The following RBFOX1 variants were observed in gnomAD, a reference collection of about 807,000 sequenced individuals.
RBFOX1 encodes RNA binding fox-1 homolog 1, also known as RNA binding protein fox-1 homolog 1.
A neutral mutation model predicts 57.7 loss-of-function variants in RBFOX1; 8 were observed. The observed-to-expected ratio is 0.14, with a 90% CI of 0.08 to 0.25. RBFOX1 has a LOEUF of 0.25. Ranked by LOEUF, RBFOX1 falls within the 10% of genes least tolerant of loss-of-function variation. RBFOX1 has a pLI of 1.00. For missense variants in RBFOX1, 611 were observed against 548.5 expected, an observed-to-expected ratio of 1.11 and a Z score of -1.14; for synonymous variants, 326 against 222.4, an observed-to-expected ratio of 1.47 and a Z score of -4.15.
intron 1 of RBFOX1, among the ~76,000 whole-genome samples, chr16:6,065,988 C>T (rs575289919): frequency 1.1e-4 from 17 of 152,198 alleles, no homozygotes; most frequent in South Asian, 6.2e-4. Flanking sequence ...GATATATTTC[C>T]GACTTCAACA....
intron 3 of RBFOX1, among the ~76,000 whole-genome samples, chr16:5,705,710 C>G (rs1383954295): frequency 2.0e-5 from 3 of 152,128 alleles, no homozygotes; most frequent in Non-Finnish European, 4.4e-5. Flanking sequence ...ATCATCCTAA[C>G]AAGGGGATTA....
At position 5,969,041 on chromosome 16, in the gene RBFOX1, T is replaced by A. The variant is rs182378064; in HGVS notation, c.351+101706T>A. Among the ~76,000 whole-genome samples, 88 of 152,194 alleles carry A rather than the reference T, an allele frequency of 5.8e-4. 1 individual carries two copies. Among genetic ancestry groups the A allele is most frequent in the African/African-American group, 1.9e-3 (77 of 41,576 alleles). On this transcript the variant is annotated intron_variant, in intron 4 of 19. Coordinates refer to the RBFOX1 transcript ENST00000641259. Reference sequence around the variant, plus strand: ...ATTCTTGGTTATTAAAATGAGTTTTTTCTTTTATTTCTTTGCCTTAGACTC... The same window carrying A: ...ATTCTTGGTTATTAAAATGAGTTTTATCTTTTATTTCTTTGCCTTAGACTC...
At chr16:7,039,050 C>CAGG (rs60245919) in intron 3 of RBFOX1, among the ~76,000 whole-genome samples, 123,779 of 151,802 alleles carry the variant, frequency 0.82, 51,059 homozygotes, top group East Asian at 0.94. Flanking sequence ...AAAGGAATAT[C>CAGG]AGAAGTGCTC....
intron 3 of RBFOX1, among the ~76,000 whole-genome samples, chr16:5,684,100 C>A (rs539843931): frequency 1.5e-4 from 23 of 152,032 alleles, no homozygotes; most frequent in African/African-American, 5.3e-4. Flanking sequence ...CATAAAGTAA[C>A]CCATTTCTTT....
At chr16:6,352,331 C>G (rs987398421) in intron 2 of RBFOX1, among the ~76,000 whole-genome samples, 1 of 152,126 alleles carries the variant, frequency 6.6e-6, no homozygotes, top group South Asian at 2.1e-4. Context: ...AGTACTTGAC[C>G]CATCATAGAT....
At chr16:5,900,821 T>C (rs901739815) in intron 4 of RBFOX1, among the ~76,000 whole-genome samples, 4 of 152,138 alleles carry the variant, frequency 2.6e-5, no homozygotes, top group Non-Finnish European at 5.9e-5. Context: ...CGTCAAGACA[T>C]CCAGGAAGCT....
rs1171438142 is a variant in RBFOX1 at position 7,317,663 on chromosome 16, C to G, written c.28-200484C>G. Among the ~76,000 whole-genome samples, 3 of 152,134 alleles carry G rather than the reference C, an allele frequency of 2.0e-5. No homozygotes were observed. In the South Asian group the frequency reaches 6.2e-4, roughly 32 times the overall value. On this transcript the variant is annotated intron_variant, in intron 4 of 15. Transcript: ENST00000550418. ...AATGTCCACTGAGCAGTACCTCCAC[C>G]CGCTGCCTCCAGCCACAGGAGTACA...
rs2151270756 is a variant in RBFOX1 at position 5,329,532 on chromosome 16, G to C, written c.219+89427G>C. Among the ~76,000 whole-genome samples the C allele has an allele frequency of 1.3e-5, 2 of 152,288 alleles. 1 individual carries two copies. Among genetic ancestry groups the C allele is most frequent in the South Asian group, 4.1e-4 (2 of 4,828 alleles). On this transcript the variant is annotated intron_variant, in intron 1 of 2. Coordinates refer to the RBFOX1 transcript ENST00000585867. ...GATTACAATTTGACATGAGATTTGGGTGGGGACACAGACCCGAACCATATC... is the reference window on the plus strand; with the variant it reads ...GATTACAATTTGACATGAGATTTGGCTGGGGACACAGACCCGAACCATATC...
chr16:5,688,664 C>T (rs757561234), intron 3 of RBFOX1, among the ~76,000 whole-genome samples: 1 of 152,138 alleles, frequency 6.6e-6, no homozygotes, highest in Non-Finnish European at 1.5e-5. Context: ...AAATTCATTA[C>T]CTACCCAGAG....
chr16:5,518,147 A>G (rs1372935885), intron 2 of RBFOX1, among the ~76,000 whole-genome samples: 1 of 152,230 alleles, frequency 6.6e-6, no homozygotes, highest in African/African-American at 2.4e-5. Flanking sequence ...TTAAATGCAA[A>G]CAGACCTAAA....
intron 2 of RBFOX1, among the ~76,000 whole-genome samples, chr16:6,332,780 A>G (rs1391283557): frequency 6.6e-6 from 1 of 152,234 alleles, no homozygotes; most frequent in Admixed American, 6.5e-5. Context: ...TGTTCAGAGA[A>G]GAGAAAGTCA....
At chr16:7,031,786 A>G (rs144860342) in intron 3 of RBFOX1, among the ~76,000 whole-genome samples, 2 of 152,302 alleles carry the variant, frequency 1.3e-5, no homozygotes, top group East Asian at 3.9e-4. Context: ...GAGAAGATGC[A>G]GATGGCTTGT....
chr16:6,104,352 A>G (rs1380296955), intron 1 of RBFOX1, among the ~76,000 whole-genome samples: 1 of 152,198 alleles, frequency 6.6e-6, no homozygotes, highest in African/African-American at 2.4e-5. Flanking sequence ...TAAAGAATAA[A>G]TACCTTCTTC....
chr16:6,393,707 GAC>G (rs1281388143), intron 2 of RBFOX1, among the ~76,000 whole-genome samples: 1 of 152,054 alleles, frequency 6.6e-6, no homozygotes, highest in Non-Finnish European at 1.5e-5. Context: ...TGTGTCTTTA[GAC>G]ACACAACACT....
At chr16:5,902,276 C>A (rs955530334) in intron 4 of RBFOX1, among the ~76,000 whole-genome samples, 1 of 152,138 alleles carries the variant, frequency 6.6e-6, no homozygotes, top group African/African-American at 2.4e-5. Context: ...TGCACCCTAG[C>A]CTAAGAGCCA....
chr16:7,244,753 G>A (rs1216452890), intron 4 of RBFOX1, among the ~76,000 whole-genome samples: 3 of 152,176 alleles, frequency 2.0e-5, no homozygotes, highest in Non-Finnish European at 4.4e-5. Context: ...TTAAATCCAG[G>A]ACCTGGGAGG....
At chr16:6,758,013 A>T (rs1414259591) in intron 3 of RBFOX1, among the ~76,000 whole-genome samples, 5 of 152,170 alleles carry the variant, frequency 3.3e-5, no homozygotes, top group African/African-American at 9.6e-5. Flanking sequence ...CCTCTATTAC[A>T]TTGAACTGTC....
At chr16:7,050,850 C>G (rs1241406189) in intron 3 of RBFOX1, among the ~76,000 whole-genome samples, 1 of 151,748 alleles carries the variant, frequency 6.6e-6, no homozygotes, top group African/African-American at 2.4e-5. Flanking sequence ...ATTTGTGTGC[C>G]TCTGCATATT....
At chr16:7,220,575 C>T (rs937281812) in intron 4 of RBFOX1, among the ~76,000 whole-genome samples, 13 of 152,210 alleles carry the variant, frequency 8.5e-5, no homozygotes, top group Admixed American at 4.6e-4. Context: ...CTCTTGGAAA[C>T]GACACTATTT....
Sources: gnomAD v4.1 joint callset for allele counts (sites outside exome capture counted in the v4.1 genomes callset) on GRCh38, gnomAD v4.1.1 for gene constraint, MANE v1.5 for transcripts, NCBI Gene and HGNC (gene_info 2026-07-23, HGNC 2026-07-21) for gene names.